SLC39A10: variants seen among roughly 807,000 people sequenced by gnomAD.
The protein encoded by SLC39A10 is zinc transporter ZIP10.
A neutral mutation model predicts 65.1 loss-of-function variants in SLC39A10; 13 were observed. The ratio of observed to expected loss-of-function variants is 0.20; its 90% CI spans 0.13 to 0.32. SLC39A10 has a LOEUF of 0.32. Among genes scored for constraint, SLC39A10 ranks in the 10% least tolerant of loss-of-function variants. The pLI, the probability that SLC39A10 is intolerant of heterozygous loss-of-function variation, is 1.00. For missense variants in SLC39A10, 831 were observed against 1,018.4 expected, an observed-to-expected ratio of 0.82 and a Z score of 2.50; for synonymous variants, 321 against 342.2, an observed-to-expected ratio of 0.94 and a Z score of 0.68.
upstream of SLC39A10, chr2:195,657,104 C>G (rs978816362): frequency 6.6e-6 from 1 of 152,436 alleles, no homozygotes; most frequent in Non-Finnish European, 1.5e-5. Flanking sequence ...CATAGGCGGA[C>G]GGGGTGCGGC....
chr2:195,716,779 A>G lies in SLC39A10; in HGVS notation c.1839A>G (p.Leu613=), dbSNP rs750703347. 4.3e-6 allele frequency: 7 copies of G among 1,614,214 alleles called. No individual in the cohort carries two copies. The highest frequency in any genetic ancestry group is 5.1e-6 in the Non-Finnish European group (6 of 1,180,022). The part of the protein sequence containing the change: ...KIIDHSHSDG[L]HTIHEHDLHA... ...TAGACCATTCTCACAGTGATGGATT[A>G]CATACCATTCATGAGCATGATCTCC... is the stretch of plus-strand genomic sequence containing the variant. Residue 613 remains leucine (L), a synonymous_variant, in exon 7 of 10, where the codon TTA becomes TTG. Transcript: ENST00000359634.
At chr2:195,674,734 A>G in intron 1 of SLC39A10, 1 of 809,170 alleles carries the variant, frequency 1.2e-6, no homozygotes, top group Non-Finnish European at 1.5e-6. Flanking sequence ...AACATCATAG[A>G]GTATACTTAG....
At chr2:195,675,171 A>T (rs1005204518) in intron 1 of SLC39A10, among the ~76,000 whole-genome samples, 1 of 152,242 alleles carries the variant, frequency 6.6e-6, no homozygotes, top group African/African-American at 2.4e-5. Context: ...TGAACCTTCC[A>T]TCCAAACAAG....
In SLC39A10 at chr2:195,695,534, C is replaced by T. The variant is rs78477509; in HGVS notation, c.1217-11082C>T. On this transcript the variant is annotated intron_variant, in intron 3 of 9. Coordinates refer to ENST00000359634, the MANE Select transcript of SLC39A10 (RefSeq NM_020342.3). ...GAACTGCCCGAGATCACCAGCCTCC[C>T]CACTGAGAAAGCAAGTGGACTCACA... 9.8e-3 allele frequency among the ~76,000 whole-genome samples: 1,485 copies of T among 152,294 alleles called. 20 individuals carry two copies. Among genetic ancestry groups the T allele is most frequent in the African/African-American group, 0.034 (1,408 of 41,560 alleles).
At chr2:195,633,559 G>T (rs374780404) in intron 2 of SLC39A10, among the ~76,000 whole-genome samples, 9 of 152,154 alleles carry the variant, frequency 5.9e-5, no homozygotes, top group Admixed American at 3.3e-4. Flanking sequence ...GCTGTATCCC[G>T]AGCTCTTGTC....
At chr2:195,699,534 C>T (rs1448369766) in intron 3 of SLC39A10, among the ~76,000 whole-genome samples, 3 of 151,928 alleles carry the variant, frequency 2.0e-5, no homozygotes, top group African/African-American at 7.3e-5. Flanking sequence ...GTAATTTCTT[C>T]CTTGATCCAG....
intron 8 of SLC39A10, among the ~76,000 whole-genome samples, chr2:195,727,177 CCTTT>C (rs1464952272): frequency 1.3e-5 from 2 of 152,022 alleles, no homozygotes; most frequent in Non-Finnish European, 2.9e-5. Context: ...AAGAAAAGTG[CCTTT>C]CTTCTTATTT....
chr2:195,700,228 T>C (rs1374136397), intron 3 of SLC39A10, among the ~76,000 whole-genome samples: 2 of 152,218 alleles, frequency 1.3e-5, no homozygotes, highest in African/African-American at 4.8e-5. Context: ...AAGTAATTAC[T>C]GATAAGGAAG....
chr2:195,677,460 G>C (rs2105763654), intron 1 of SLC39A10, among the ~76,000 whole-genome samples: 1 of 152,252 alleles, frequency 6.6e-6, no homozygotes, highest in South Asian at 2.1e-4. Flanking sequence ...CTTGTGCCTG[G>C]AAGTTTAAGG....
chr2:195,637,275 A>G (rs1688714656), intron 2 of SLC39A10, among the ~76,000 whole-genome samples: 1 of 152,218 alleles, frequency 6.6e-6, no homozygotes, highest in Admixed American at 6.5e-5. Context: ...GAAAGTGGAC[A>G]GAGGCAGTTA....
At chr2:195,629,247 A>T (rs1688533966) in intron 2 of SLC39A10, among the ~76,000 whole-genome samples, 1 of 152,066 alleles carries the variant, frequency 6.6e-6, no homozygotes, top group Admixed American at 6.6e-5. Flanking sequence ...CACACAAATT[A>T]GCCAGATGTG....
intron 2 of SLC39A10, among the ~76,000 whole-genome samples, chr2:195,647,331 G>T (rs1688942820): frequency 6.6e-6 from 1 of 151,838 alleles, no homozygotes; most frequent in African/African-American, 2.4e-5. Flanking sequence ...AATGGCCCTT[G>T]TTGCCCTCAG....
chr2:195,639,672 C>T (rs1322671619), intron 2 of SLC39A10, among the ~76,000 whole-genome samples: 1 of 152,138 alleles, frequency 6.6e-6, no homozygotes, highest in African/African-American at 2.4e-5. Flanking sequence ...CAACCTTCAC[C>T]TCCTGGGTTC....
intron 3 of SLC39A10, among the ~76,000 whole-genome samples, chr2:195,694,261 A>G (rs538751887): frequency 3.3e-5 from 5 of 152,262 alleles, no homozygotes; most frequent in Middle Eastern, 3.4e-3. Flanking sequence ...TGATGAATAG[A>G]ATGTATATTC....
At chr2:195,730,589 C>T (rs1692401713) in intron 9 of SLC39A10, among the ~76,000 whole-genome samples, 1 of 152,198 alleles carries the variant, frequency 6.6e-6, no homozygotes, top group African/African-American at 2.4e-5. Flanking sequence ...TCCTCTTCTC[C>T]CCCTGCATCT....
At position 195,697,909 on chromosome 2, in the gene SLC39A10, A is replaced by G. The variant is rs188615240; in HGVS notation, c.1217-8707A>G. Reference sequence around the variant, plus strand: ...CCAGTCAGAATGTTTTGTAGTTTTCATTGTACAGGTCTTCTACCTCCTTGG... The same window carrying G: ...CCAGTCAGAATGTTTTGTAGTTTTCGTTGTACAGGTCTTCTACCTCCTTGG... On this transcript the variant is annotated intron_variant, in intron 3 of 9. Transcript: ENST00000359634. 2.6e-3 allele frequency among the ~76,000 whole-genome samples: 401 copies of G among 152,272 alleles called. 2 individuals are homozygous for G. The highest frequency in any genetic ancestry group is 9.0e-3 in the African/African-American group (375 of 41,556).
intron 2 of SLC39A10, among the ~76,000 whole-genome samples, chr2:195,617,172 T>C (rs1688233876): frequency 6.6e-6 from 1 of 152,228 alleles, no homozygotes; most frequent in Non-Finnish European, 1.5e-5. Context: ...GTATTTGATC[T>C]TTCATATATA....
intron 2 of SLC39A10, among the ~76,000 whole-genome samples, chr2:195,682,016 T>C (rs1690344010): frequency 6.6e-6 from 1 of 152,160 alleles, no homozygotes; most frequent in Admixed American, 6.5e-5. Flanking sequence ...TATAAAAAGG[T>C]ATAATAATAA....
intron 1 of SLC39A10, among the ~76,000 whole-genome samples, chr2:195,661,235 TC>T (rs1689384173): frequency 6.6e-6 from 1 of 152,092 alleles, no homozygotes; most frequent in Non-Finnish European, 1.5e-5. Flanking sequence ...TATTTCAAAC[TC>T]TTTTTTTTCT....
Sources: gnomAD v4.1 joint callset for allele counts (sites outside exome capture counted in the v4.1 genomes callset) on GRCh38, gnomAD v4.1.1 for gene constraint, MANE v1.5 for transcripts, NCBI Gene and HGNC (gene_info 2026-07-23, HGNC 2026-07-21) for gene names.